Variants in PTDSS1 observed in about 807,000 individuals in gnomAD.
PTDSS1 encodes phosphatidylserine synthase 1.
In PTDSS1, 45 loss-of-function variants were observed where a neutral mutation model predicts 70.5. That is an observed-to-expected ratio of 0.64 (90% CI 0.50 to 0.82). The LOEUF is 0.82. Among genes scored for constraint, PTDSS1 ranks in the 40% least tolerant of loss-of-function variants. PTDSS1 has a pLI of 0.00. For missense variants in PTDSS1, 417 were observed against 586.1 expected (o/e 0.71, Z 2.98); for synonymous variants, 188 against 203.8 (o/e 0.92, Z 0.66).
rs1810415359 is a variant in PTDSS1, at chr8:96,262,222, G to C, written c.179+3G>C. On this transcript the variant is annotated splice_donor_region_variant and intron_variant, in intron 1 of 12. Transcript: ENST00000517309. This position sits in a 1 kb window ranked among gnomAD's most constrained non-coding sequence, Gnocchi z 4.4. ...CTCATGTACTTCGCCTTTACCAGGTGGGGCGGCCCAGCCGAGCGGGGGGCG... is the reference window on the plus strand; with the variant it reads ...CTCATGTACTTCGCCTTTACCAGGTCGGGCGGCCCAGCCGAGCGGGGGGCG... 7 of 1,612,218 alleles carry C rather than the reference G, an allele frequency of 4.3e-6. No individual in the cohort carries two copies. Among genetic ancestry groups the C allele is most frequent in the Non-Finnish European group, 5.9e-6 (7 of 1,178,922 alleles).
intron 2 of PTDSS1, among the ~76,000 whole-genome samples, chr8:96,277,065 T>C (rs921997863): frequency 2.0e-5 from 3 of 152,060 alleles, no homozygotes; most frequent in African/African-American, 4.8e-5. Context: ...CAGATAGGTA[T>C]AGAAGGTATA....
intron 11 of PTDSS1, chr8:96,330,793 C>G (rs1811504618): frequency 1.9e-6 from 1 of 521,350 alleles, no homozygotes; most frequent in African/African-American, 1.9e-5. Context: ...TTTATTTACA[C>G]CTTCAGTCTA....
At chr8:96,316,181 C>T (rs1263109051) in intron 9 of PTDSS1, among the ~76,000 whole-genome samples, 5 of 152,194 alleles carry the variant, frequency 3.3e-5, no homozygotes, top group South Asian at 4.1e-4. Context: ...AGCCCTGACC[C>T]GGGTCCCCAT....
intron 2 of PTDSS1, among the ~76,000 whole-genome samples, chr8:96,277,874 T>C (rs1276696901): frequency 6.6e-6 from 1 of 152,254 alleles, no homozygotes; most frequent in Non-Finnish European, 1.5e-5. Flanking sequence ...TGCTTTTGAC[T>C]GCAAGTGATA....
intron 4 of PTDSS1, chr8:96,287,368 A>G: frequency 1.9e-6 from 1 of 532,558 alleles, no homozygotes; most frequent in Non-Finnish European, 3.2e-6. Flanking sequence ...GTGAGGAAGA[A>G]TGCACACTTT....
chr8:96,301,342 G>A (rs1421670180), intron 6 of PTDSS1, among the ~76,000 whole-genome samples: 1 of 151,856 alleles, frequency 6.6e-6, no homozygotes, highest in Non-Finnish European at 1.5e-5. Context: ...GTGATCACCC[G>A]CCTCAGCATC....
Position 96,262,378 on chromosome 8 carries a change from GC to G in PTDSS1, c.179+162del, listed in dbSNP as rs574217501. On this transcript the variant is annotated intron_variant, in intron 1 of 12. Coordinates refer to ENST00000517309, the MANE Select transcript of PTDSS1 (RefSeq NM_014754.3). The surrounding 1 kb of genome is among the most constrained non-coding windows in gnomAD (Gnocchi z 4.4). Reference sequence around the variant, plus strand: ...AGCCCGCCGCCCACGCGGCCCCTCCGCCCGCCCGGTGTCTCACAGTACGCTA... The same window carrying G: ...AGCCCGCCGCCCACGCGGCCCCTCCGCCGCCCGGTGTCTCACAGTACGCTA... Among the ~76,000 whole-genome samples, 1 of 152,202 alleles carries G rather than the reference GC, an allele frequency of 6.6e-6. No homozygotes were observed. The highest frequency in any genetic ancestry group is 2.1e-4 in the South Asian group (1 of 4,828).
chr8:96,273,435 T>C (rs371206457), intron 2 of PTDSS1, 45 bp downstream of exon 2: 6 of 1,459,884 alleles, frequency 4.1e-6, no homozygotes, highest in African/African-American at 1.4e-5. Flanking sequence ...TATTGTGCCT[T>C]TCTGGTTTTT....
chr8:96,284,618 A>G (rs1352668522), intron 3 of PTDSS1, among the ~76,000 whole-genome samples: 1 of 152,204 alleles, frequency 6.6e-6, no homozygotes, highest in African/African-American at 2.4e-5. Flanking sequence ...CCTAATTTGA[A>G]CTAAGGGTTA....
intron 10 of PTDSS1, among the ~76,000 whole-genome samples, chr8:96,322,421 T>C (rs1275780450): frequency 6.6e-6 from 1 of 152,058 alleles, no homozygotes; most frequent in Non-Finnish European, 1.5e-5. Context: ...GAAGTGAGCA[T>C]GTAAGACAGC....
intron 4 of PTDSS1, among the ~76,000 whole-genome samples, chr8:96,288,577 C>T (rs547589956): frequency 1.3e-5 from 2 of 148,722 alleles, no homozygotes; most frequent in South Asian, 2.2e-4. Flanking sequence ...CTGCCTGCTT[C>T]GGCCTCCTAG....
intron 9 of PTDSS1, among the ~76,000 whole-genome samples, chr8:96,313,730 T>G (rs1285109162): frequency 6.6e-6 from 1 of 152,154 alleles, no homozygotes; most frequent in African/African-American, 2.4e-5. Flanking sequence ...CCCGACCAGT[T>G]TCCTCGCTGC....
At chr8:96,280,872 G>C (rs1038064105) in intron 2 of PTDSS1, among the ~76,000 whole-genome samples, 1 of 152,138 alleles carries the variant, frequency 6.6e-6, no homozygotes, top group African/African-American at 2.4e-5. Context: ...CATAACAATG[G>C]TCAGAGAAGA....
chr8:96,333,420 G>C, intron 12 of PTDSS1, 37 bp from the exon 13 acceptor site: 1 of 1,568,416 alleles, frequency 6.4e-7, no homozygotes, highest in Non-Finnish European at 8.8e-7. Flanking sequence ...AATCTCCAGA[G>C]CCCAGGGTGA....
chr8:96,330,965 C>A, intron 11 of PTDSS1, 61 bp from the exon 12 acceptor site: 1 of 1,460,410 alleles, frequency 6.8e-7, no homozygotes, highest in Non-Finnish European at 9.6e-7. Context: ...CGCCTTTTTG[C>A]CCTGCCACTT....
At chr8:96,309,438 C>A in intron 8 of PTDSS1, 119 bp from the exon 9 acceptor site, 1 of 800,974 alleles carries the variant, frequency 1.2e-6, no homozygotes, top group Non-Finnish European at 2.1e-6. Context: ...CAGAACTAGA[C>A]CAGGCAGCCT....
intron 5 of PTDSS1, among the ~76,000 whole-genome samples, chr8:96,295,942 G>T (rs1810967686): frequency 6.6e-6 from 1 of 151,858 alleles, no homozygotes; most frequent in Non-Finnish European, 1.5e-5. Flanking sequence ...TCACTGTTCT[G>T]GAGGCCAGAA....
rs1810747233 is a variant in PTDSS1, at chr8:96,282,131, A to G, written c.272-1978A>G. Reference sequence around the variant, plus strand: ...AAAACTGACGTCCCATTTTATATCTAAAAGGTTAATTTAGTGTTATAGATA... The same window carrying G: ...AAAACTGACGTCCCATTTTATATCTGAAAGGTTAATTTAGTGTTATAGATA... On this transcript the variant is annotated intron_variant, in intron 2 of 12. Coordinates refer to ENST00000517309, the MANE Select transcript of PTDSS1 (RefSeq NM_014754.3). 2.0e-5 allele frequency among the ~76,000 whole-genome samples: 3 copies of G among 152,256 alleles called. 1 individual carries two copies. In the South Asian group the frequency reaches 6.2e-4, roughly 31 times the overall value.
At chr8:96,287,281 G>A in intron 4 of PTDSS1, 135 bp downstream of exon 4, 1 of 1,251,410 alleles carries the variant, frequency 8.0e-7, no homozygotes, top group Non-Finnish European at 1.1e-6. Flanking sequence ...GTCTCTGGGA[G>A]GGTTGTTGAG....
Sources: gnomAD v4.1 joint callset for allele counts (sites outside exome capture counted in the v4.1 genomes callset) on GRCh38, gnomAD v4.1.1 for gene constraint, Gnocchi (gnomAD v3.1) non-coding constraint, MANE v1.5 for transcripts, NCBI Gene and HGNC (gene_info 2026-07-23, HGNC 2026-07-21) for gene names.